The following FLNC variants were observed in gnomAD, a reference collection of about 807,000 sequenced individuals.
FLNC encodes filamin-C.
In FLNC, 91 loss-of-function variants were observed where a neutral mutation model predicts 254.3. The observed-to-expected ratio is 0.36, with a 90% CI of 0.30 to 0.43. The LOEUF (loss-of-function observed/expected upper bound fraction) is 0.43. Among genes scored for constraint, FLNC ranks in the 20% least tolerant of loss-of-function variants. The probability of loss-of-function intolerance (pLI) is 1.00; values close to 1 mark genes in which losing one functional copy is unlikely to be tolerated. For missense variants in FLNC, 2,853 were observed against 3,802.6 expected (o/e 0.75, Z 6.57); for synonymous variants, 1,430 against 1,577.2 (o/e 0.91, Z 2.21).
At position 128,858,245 on chromosome 7, in the gene FLNC, G is replaced by A. The variant is rs773461072; in HGVS notation, c.7990+28G>A. ...AGGTGGCGGGGGGAGGGCGTCTCCC[G>A]GGGTGTGAGCAAGAAGCCGTCAGGG... is the stretch of plus-strand genomic sequence containing the variant. On this transcript the variant is annotated intron_variant, in intron 47 of 47. Transcript: ENST00000325888. This position sits in a 1 kb window ranked among gnomAD's most constrained non-coding sequence, Gnocchi z 6.7. 1.3e-4 allele frequency: 163 copies of A among 1,303,976 alleles called. 1 individual carries two copies. Among genetic ancestry groups the A allele is most frequent in the Non-Finnish European group, 7.1e-5 (64 of 903,380 alleles). The allele number at this position is 1,303,976 out of a possible 1,614,324, so 80.8% of individuals were successfully genotyped here.
intron 5 of FLNC, 99 bp downstream of exon 5, chr7:128,837,854 C>T: frequency 7.3e-7 from 1 of 1,375,834 alleles, no homozygotes; most frequent in Non-Finnish European, 1.0e-6. Context: ...CTGCCAGAGC[C>T]ACACACTGTG....
intron 9 of FLNC, 102 bp from the exon 10 acceptor site, chr7:128,840,446 C>CAA: frequency 3.3e-6 from 5 of 1,530,066 alleles, no homozygotes; most frequent in Non-Finnish European, 4.5e-6. Context: ...GCACTGCCCT[C>CAA]GGGCTGGGTC....
At position 128,846,924 on chromosome 7, in the gene FLNC, C is replaced by T. The variant is rs766159140; in HGVS notation, c.4288+19C>T. Reference sequence around the variant, plus strand: ...ATCCCAGGTGTGCAGAGAGAGTGGTCGGGGTCTCAGGGAAGACAAGGGAGG... The same window carrying T: ...ATCCCAGGTGTGCAGAGAGAGTGGTTGGGGTCTCAGGGAAGACAAGGGAGG... On this transcript the variant is annotated intron_variant, in intron 24 of 47. Transcript: ENST00000325888. 55 of 1,613,906 alleles carry T rather than the reference C, an allele frequency of 3.4e-5. No individual in the cohort carries two copies. The highest frequency in any genetic ancestry group is 3.3e-4 in the Middle Eastern group (2 of 6,084).
intron 35 of FLNC, 80 bp from the exon 36 acceptor site, chr7:128,852,511 G>T: frequency 6.5e-7 from 1 of 1,543,378 alleles, no homozygotes; most frequent in Non-Finnish European, 8.9e-7. Context: ...AGGGGGGGCT[G>T]CTCAGGAGGG....
Position 128,835,701 on chromosome 7 carries a change from A to G in FLNC, c.601+127A>G, listed in dbSNP as rs1808070085. The G allele has an allele frequency of 4.6e-6, 5 of 1,094,428 alleles. No homozygotes were observed. The South Asian group carries it at 6.8e-5, about 15-fold the overall frequency. The allele number at this position is 1,094,428 out of a possible 1,614,324, so 67.8% of individuals were successfully genotyped here. A position where few individuals can be genotyped will look rare whatever the true frequency, so the allele number is the denominator to read the frequency against. On this transcript the variant is annotated intron_variant, in intron 2 of 47. Coordinates refer to ENST00000325888, the MANE Select transcript of FLNC (RefSeq NM_001458.5). This position sits in a 1 kb window ranked among gnomAD's most constrained non-coding sequence, Gnocchi z 5.3. Reference sequence around the variant, plus strand: ...GGGCCTGGGGGCCAGGATCCCCTGCAGGGTTTGTCCTCCTCCAGCTGTGGC... The same window carrying G: ...GGGCCTGGGGGCCAGGATCCCCTGCGGGGTTTGTCCTCCTCCAGCTGTGGC...
intron 33 of FLNC, 63 bp from the exon 34 acceptor site, chr7:128,851,169 G>A (rs748623291): frequency 6.2e-7 from 1 of 1,611,546 alleles, no homozygotes; most frequent in Non-Finnish European, 8.5e-7. Context: ...AAGGTGCTGG[G>A]GCCAAGGTGG....
Position 128,849,001 on chromosome 7 carries a change from C to T in FLNC, c.4927+19C>T. 1 of 1,608,266 alleles carries T rather than the reference C, an allele frequency of 6.2e-7. No individual in the cohort carries two copies. Among genetic ancestry groups the T allele is most frequent in the Non-Finnish European group, 8.5e-7 (1 of 1,177,708 alleles). ...GTCACAGGTGGGTGCCCACCCGCTG[C>T]CCGTGCCCTGCTCACCACCCAGCCC... On this transcript the variant is annotated intron_variant, in intron 28 of 47. Coordinates refer to ENST00000325888, the MANE Select transcript of FLNC (RefSeq NM_001458.5).
At chr7:128,853,889 C>T (rs577503639) in intron 39 of FLNC, 52 bp downstream of exon 39, 116 of 1,613,018 alleles carry the variant, frequency 7.2e-5, no homozygotes, top group Middle Eastern at 1.6e-4. Flanking sequence ...AGGGCTGGCC[C>T]GGGCCAGAGC....
rs3816884 is a variant in FLNC at position 128,851,549 on chromosome 7, T to A, written c.5763T>A (p.Thr1921=). 1.9e-6 allele frequency: 3 copies of A among 1,613,790 alleles called. No homozygotes were observed. Among genetic ancestry groups the A allele is most frequent in the African/African-American group, 2.7e-5 (2 of 74,882 alleles). The stretch of plus-strand genomic sequence containing the variant: ...CCTGCACCGTGTCCTATCTGCCGAC[T>A]GCGCCTGGAGACTACAGCATCATCG... ...DGTCTVSYLP[T]APGDYSIIVR... The change falls in exon 35 of 48, where the codon ACT becomes ACA. Residue 1921 remains threonine, a synonymous_variant. Transcript: ENST00000325888.
chr7:128,855,271 C>G lies in FLNC; in HGVS notation c.7208C>G (p.Ser2403Cys), dbSNP rs762819474. The G allele has an allele frequency of 1.2e-6, 2 of 1,613,902 alleles. No individual in the cohort carries two copies. The highest frequency in any genetic ancestry group is 1.7e-6 in the Non-Finnish European group (2 of 1,179,906). The stretch of plus-strand genomic sequence containing the variant: ...AGCCCCTTTGTGGTGCCTGTGGCCT[C>G]CCTCTCGGATGACGCTCGCCGTCTC... ...PDSPFVVPVA[S>C]LSDDARRLTV... is the part of the protein sequence containing the mutation. Residue 2403 changes from serine (S) to cysteine (C), a missense_variant, in exon 43 of 48, where the codon TCC (serine) becomes TGC (cysteine). Around this residue, in one of 10 missense-constraint regions of FLNC, gnomAD observed 551 missense variants for 835.0 expected, o/e 0.66. Transcript: ENST00000325888.
Position 128,837,976 on chromosome 7 carries a change from C to T in FLNC, c.970-11C>T. ...ATTGGAGAGGCTTCCAATCTTTTTC[C>T]TTCCTAATAGGCTAAGGTGGTTCCC... On this transcript the variant is annotated splice_polypyrimidine_tract_variant and intron_variant, in intron 5 of 47. Transcript: ENST00000325888. 1 of 1,612,942 alleles carries T rather than the reference C, an allele frequency of 6.2e-7. No individual in the cohort carries two copies. Among genetic ancestry groups the T allele is most frequent in the Non-Finnish European group, 8.5e-7 (1 of 1,179,010 alleles).
intron 41 of FLNC, 21 bp from the exon 42 acceptor site, chr7:128,854,754 C>T (rs1392564466): frequency 6.2e-7 from 1 of 1,613,844 alleles, no homozygotes; most frequent in Non-Finnish European, 8.5e-7. Context: ...TGCTGAAGTC[C>T]ACTACCTTGC....
At chr7:128,846,275 T>C (rs757457452) in intron 22 of FLNC, 26 bp from the exon 23 acceptor site, 11 of 1,613,698 alleles carry the variant, frequency 6.8e-6, no homozygotes, top group Non-Finnish European at 9.3e-6. Flanking sequence ...CACTCCCTGA[T>C]TGATGCCCCT....
At chr7:128,831,066 G>A in intron 1 of FLNC, 77 bp downstream of exon 1, 1 of 1,399,092 alleles carries the variant, frequency 7.1e-7, no homozygotes, top group Middle Eastern at 2.1e-4. Context: ...GTGCGGGGTG[G>A]GCGCGCGGGG....
rs775337940 is a variant in FLNC, at chr7:128,844,870, T to C, written c.3405T>C (p.Phe1135=). Residue 1135 remains phenylalanine (F), a synonymous_variant, in exon 21 of 48, where the codon TTT becomes TTC. Coordinates refer to ENST00000325888, the MANE Select transcript of FLNC (RefSeq NM_001458.5). ...GCGAGTACACCATCAACATCCTGTT[T>C]GCTGAGGCCCACATCCCTGGCTCGC... ...EPGEYTINIL[F]AEAHIPGSPF... The C allele has an allele frequency of 5.6e-6, 9 of 1,613,994 alleles. No individual in the cohort carries two copies. The Admixed American group carries it at 1.3e-4, about 24-fold the overall frequency.
chr7:128,846,846 T>A lies in FLNC; in HGVS notation c.4229T>A (p.Ile1410Asn), dbSNP rs778951900. ...GATGGTAGCTGCACCGTGGAGTACA[T>A]CCCCTTCACTCCTGGAGACTATGAC... ...NKDGSCTVEY[I>N]PFTPGDYDVN... The change falls in exon 24 of 48, where the codon ATC becomes AAC. Residue 1410 changes from isoleucine (I) to asparagine (N), a missense_variant. Physicochemically the swap from Ile to Asn is moderately radical, Grantham distance 149. Coordinates refer to ENST00000325888, the MANE Select transcript of FLNC (RefSeq NM_001458.5). 42 of 1,614,044 alleles carry A rather than the reference T, an allele frequency of 2.6e-5. No homozygotes were observed. Among genetic ancestry groups the A allele is most frequent in the Non-Finnish European group, 3.4e-5 (40 of 1,180,026 alleles).
In FLNC at chr7:128,843,170, A is replaced by G. The variant is rs140052514; in HGVS notation, c.2551-59A>G. ...CTGGGTGTGTCCTGAGCCAGCATCT[A>G]GCTGAGAGCAGGGGTGTGTTCCCCT... On this transcript the variant is annotated intron_variant, in intron 16 of 47. Transcript: ENST00000325888. The G allele has an allele frequency of 8.2e-5, 122 of 1,494,706 alleles. No homozygotes were observed. The African/African-American group carries it at 1.6e-3, about 20-fold the overall frequency. 92.6% of individuals were successfully genotyped at this position (1,494,706 alleles called of 1,614,324 possible).
At chr7:128,839,584 G>A (rs935922503) in intron 8 of FLNC, among the ~76,000 whole-genome samples, 3 of 152,208 alleles carry the variant, frequency 2.0e-5, no homozygotes, top group East Asian at 1.9e-4. Flanking sequence ...ATGTCCACAC[G>A]TTGCCTGTGT....
chr7:128,850,106 T>A, intron 31 of FLNC, 32 bp downstream of exon 31: 1 of 1,444,566 alleles, frequency 6.9e-7, no homozygotes, highest in Non-Finnish European at 9.4e-7. Context: ...GATGTCCTCC[T>A]CCTCCTCCCC....
Sources: allele counts gnomAD v4.1 joint callset (sites outside exome capture counted in the v4.1 genomes callset), GRCh38; gene constraint gnomAD v4.1.1; regional missense constraint gnomAD v4.1.1; non-coding constraint Gnocchi (gnomAD v3.1); transcripts MANE v1.5; gene names NCBI Gene and HGNC (gene_info 2026-07-23, HGNC 2026-07-21).